LARP7: variants seen among roughly 807,000 people sequenced by gnomAD.
LARP7 encodes the protein la-related protein 7.
LARP7 carries 52 observed loss-of-function variants against 69.3 expected under a neutral mutation model. The ratio of observed to expected loss-of-function variants is 0.75; its 90% CI spans 0.60 to 0.95. The LOEUF is 0.95. Ranked by LOEUF, LARP7 falls within the 40% of genes least tolerant of loss-of-function variation. LARP7 has a pLI of 0.00. For missense variants in LARP7, 733 were observed against 673.0 expected (o/e 1.09, Z -0.99); for synonymous variants, 254 against 215.9 (o/e 1.18, Z -1.55).
intron 10 of LARP7, among the ~76,000 whole-genome samples, chr4:112,651,221 T>G (rs994056333): frequency 5.9e-5 from 9 of 152,230 alleles, no homozygotes; most frequent in Admixed American, 3.9e-4. Context: ...AAGTATTTTC[T>G]TATACTGACA....
At position 112,657,359 on chromosome 4, in the gene LARP7, C is replaced by T. The variant is rs777960364; in HGVS notation, c.*32C>T. The T allele has an allele frequency of 3.7e-5, 43 of 1,170,730 alleles. No homozygotes were observed. The highest frequency in any genetic ancestry group is 5.2e-5 in the Non-Finnish European group (43 of 820,422). 72.5% of individuals were successfully genotyped at this position (1,170,730 alleles called of 1,614,324 possible). On this transcript the variant is annotated 3_prime_UTR_variant, in exon 13 of 13. Transcript: ENST00000344442. Reference sequence around the variant, plus strand: ...AAACAGTTCACCTCTTAATACTTCACAAGATACTTGAGCTGTTCTTGGGAG... The same window carrying T: ...AAACAGTTCACCTCTTAATACTTCATAAGATACTTGAGCTGTTCTTGGGAG...
rs2048355000 is a variant in LARP7, at chr4:112,647,432, A to G, written c.880A>G (p.Lys294Glu). The G allele has an allele frequency of 1.9e-6, 3 of 1,614,116 alleles. No homozygotes were observed. The highest frequency in any genetic ancestry group is 1.1e-5 in the South Asian group (1 of 91,080). ...TAGCTTACCTGAAGTCAGAACAGGGAAGAGGAAGAGAAGCAGCTCTGAAGA... is the reference window on the plus strand; with the variant it reads ...TAGCTTACCTGAAGTCAGAACAGGGGAGAGGAAGAGAAGCAGCTCTGAAGA... The part of the protein sequence containing the change: ...ASSLPEVRTG[K>E]RKRSSSEDAE... The change falls in exon 7 of 13, where the codon AAG becomes GAG. Residue 294 changes from lysine to glutamate, a missense_variant. By Grantham distance (56) the Lys-to-Glu change is moderately conservative. Coordinates refer to ENST00000344442, the MANE Select transcript of LARP7 (RefSeq NM_016648.4).
chr4:112,642,496 A>C (rs1440585213), intron 1 of LARP7, among the ~76,000 whole-genome samples: 1 of 152,206 alleles, frequency 6.6e-6, no homozygotes, highest in Non-Finnish European at 1.5e-5. Context: ...GTACCCTCTT[A>C]CTGGATATCA....
intron 2 of LARP7, chr4:112,645,527 G>T (rs577267193): frequency 3.5e-5 from 16 of 455,978 alleles, no homozygotes; most frequent in Admixed American, 1.2e-4. Context: ...TTTTTTTGAG[G>T]CAAGGTCTAT....
At chr4:112,645,403 G>C in intron 2 of LARP7, 1 of 414,244 alleles carries the variant, frequency 2.4e-6, no homozygotes, top group South Asian at 1.8e-5. Flanking sequence ...AAGCTTTTAA[G>C]TATTTTGGGA....
intron 1 of LARP7, among the ~76,000 whole-genome samples, chr4:112,643,459 CA>C (rs1469942247): frequency 6.6e-6 from 1 of 152,064 alleles, no homozygotes; most frequent in Non-Finnish European, 1.5e-5. Context: ...GCTGACAAAG[CA>C]AAGGGGAAGA....
At position 112,650,557 on chromosome 4, in the gene LARP7, C is replaced by T. The variant is rs770868096; in HGVS notation, c.1391C>T (p.Pro464Leu). The change falls in exon 10 of 13, where the codon CCT becomes CTT. Residue 464 changes from proline to leucine, a missense_variant. Transcript: ENST00000344442. ...ATTGTGAAGATCATTAGCACAGAGC[C>T]TCTACCTGGCAGGAAACAAGTCCGG... ...GVIVKIISTE[P>L]LPGRKQVRDT... is the part of the protein sequence containing the mutation. 2.8e-5 allele frequency: 45 copies of T among 1,613,436 alleles called. No homozygotes were observed. The highest frequency in any genetic ancestry group is 3.6e-5 in the Non-Finnish European group (43 of 1,179,664).
intron 2 of LARP7, among the ~76,000 whole-genome samples, chr4:112,645,991 TAC>T (rs753753036): frequency 2.2e-5 from 3 of 138,650 alleles, no homozygotes; most frequent in East Asian, 5.2e-4. Flanking sequence ...TAGACCCTCA[TAC>T]AGTTTTTTTT....
chr4:112,647,530 A>G lies in LARP7; in HGVS notation c.978A>G (p.Glu326=). The G allele has an allele frequency of 6.2e-7, 1 of 1,606,268 alleles. No homozygotes were observed. Reference sequence around the variant, plus strand: ...AAGACATCATTAAGGAAGCATCAGAAGCTTCCAAGGAAAATAGAGGTAAAA... The same window carrying G: ...AAGACATCATTAAGGAAGCATCAGAGGCTTCCAAGGAAAATAGAGGTAAAA... The part of the protein sequence containing the change: ...IQKDIIKEAS[E]ASKENRDIEI... The change falls in exon 7 of 13, where the codon GAA becomes GAG. Residue 326 remains glutamate, a synonymous_variant. Coordinates refer to ENST00000344442, the MANE Select transcript of LARP7 (RefSeq NM_016648.4).
chr4:112,637,667 G>A (rs2047732577), intron 1 of LARP7: 1 of 152,246 alleles, frequency 6.6e-6, no homozygotes, highest in South Asian at 2.1e-4. Context: ...TCCTCAAAGA[G>A]TAAAAAATCC....
rs2048821904 is a variant in LARP7, at chr4:112,653,208, A to G, written c.1548A>G (p.Lys516=). ...ATGCCTATACAGAAATTAACAAGAAACACTGCTGGAAACTCGAGATCCTTT... is the reference window on the plus strand; with the variant it reads ...ATGCCTATACAGAAATTAACAAGAAGCACTGCTGGAAACTCGAGATCCTTT... The part of the protein sequence containing the change: ...VINAYTEINK[K]HCWKLEILSG... The change falls in exon 11 of 13, where the codon AAA becomes AAG. Residue 516 remains lysine (K), a synonymous_variant. Transcript: ENST00000344442. The G allele has an allele frequency of 6.3e-7, 1 of 1,592,352 alleles. No homozygotes were observed. Among genetic ancestry groups the G allele is most frequent in the African/African-American group, 1.4e-5 (1 of 73,558 alleles).
chr4:112,644,907 T>A, intron 2 of LARP7, 36 bp downstream of exon 2: 2 of 1,025,634 alleles, frequency 2.0e-6, no homozygotes, highest in African/African-American at 1.7e-5. Flanking sequence ...AATTTTTAGA[T>A]ATGGTTGCCT....
Position 112,649,663 on chromosome 4 carries a change from A to G in LARP7, c.1271A>G (p.Asn424Ser), listed in dbSNP as rs1321502751. ...GAAACAGACAGTGGAGTACCTCAAAACACTGGAATGAAAAATGAAAAAAGT... is the reference window on the plus strand; with the variant it reads ...GAAACAGACAGTGGAGTACCTCAAAGCACTGGAATGAAAAATGAAAAAAGT... The part of the protein sequence containing the change: ...EMETDSGVPQ[N>S]TGMKNEKTAN... The change falls in exon 9 of 13, where the codon AAC becomes AGC. Residue 424 changes from asparagine to serine, a missense_variant. Transcript: ENST00000344442. 3.8e-6 allele frequency: 6 copies of G among 1,598,466 alleles called. No homozygotes were observed. The Admixed American group carries it at 1.1e-4, about 28-fold the overall frequency.
chr4:112,640,028 TC>T (rs1441821045), intron 1 of LARP7, among the ~76,000 whole-genome samples: 1 of 152,152 alleles, frequency 6.6e-6, no homozygotes, highest in African/African-American at 2.4e-5. Context: ...AACCTCTGCC[TC>T]CTGGGTTCAA....
At chr4:112,638,877 A>G (rs2047835973) in intron 1 of LARP7, among the ~76,000 whole-genome samples, 2 of 152,302 alleles carry the variant, frequency 1.3e-5, no homozygotes, top group East Asian at 1.9e-4. Flanking sequence ...TTTAAAATGT[A>G]TCATTTACAA....
rs780287133 is a variant in LARP7, at chr4:112,647,715, A to G, written c.1023A>G (p.Glu341=). ...ATATAGAAATCTCTACTGAAGAGGAAAAGGATACTGGAGATCTAAAAGATA... is the reference window on the plus strand; with the variant it reads ...ATATAGAAATCTCTACTGAAGAGGAGAAGGATACTGGAGATCTAAAAGATA... ...NRDIEISTEE[E]KDTGDLKDSS... Residue 341 remains glutamate, a synonymous_variant, in exon 8 of 13, where the codon GAA becomes GAG. Transcript: ENST00000344442. 3 of 1,544,646 alleles carry G rather than the reference A, an allele frequency of 1.9e-6. No individual in the cohort carries two copies. The Admixed American group carries it at 6.2e-5, about 32-fold the overall frequency.
chr4:112,646,440 G>GC lies in LARP7; in HGVS notation c.293dup (p.Val99CysfsTer5). On this transcript the variant is annotated frameshift_variant, in exon 3 of 13. Transcript: ENST00000344442. LOFTEE classifies it high-confidence loss of function. Reference sequence around the variant, plus strand: ...AATTGCCAGAGCATTGAGAAGTTCAGCTGTTGTAGAGGTAAGAATCAAGAA... The same window carrying GC: ...AATTGCCAGAGCATTGAGAAGTTCAGCCTGTTGTAGAGGTAAGAATCAAGAA... The GC allele has an allele frequency of 1.9e-6, 3 of 1,594,190 alleles. No individual in the cohort carries two copies. The highest frequency in any genetic ancestry group is 2.6e-6 in the Non-Finnish European group (3 of 1,163,772).
chr4:112,648,229 G>C (rs778523465), intron 8 of LARP7: 2 of 532,406 alleles, frequency 3.8e-6, no homozygotes, highest in Admixed American at 1.9e-5. Flanking sequence ...TTCAAAGCAA[G>C]TACATCCACG....
intron 1 of LARP7, chr4:112,637,754 T>C (rs1303326363): frequency 6.6e-6 from 1 of 152,090 alleles, no homozygotes; most frequent in Non-Finnish European, 1.5e-5. Flanking sequence ...AGAAAACAAA[T>C]GATAGGACAC....
Sources: gnomAD v4.1 joint callset for allele counts (sites outside exome capture counted in the v4.1 genomes callset) on GRCh38, gnomAD v4.1.1 for gene constraint, MANE v1.5 for transcripts, NCBI Gene and HGNC (gene_info 2026-07-23, HGNC 2026-07-21) for gene names.